EXOC4: variants seen among roughly 807,000 people sequenced by gnomAD.
The protein encoded by EXOC4 is exocyst complex component 4.
A neutral mutation model predicts 107.2 loss-of-function variants in EXOC4; 71 were observed. The ratio of observed to expected loss-of-function variants is 0.66; its 90% CI spans 0.55 to 0.81. The LOEUF (loss-of-function observed/expected upper bound fraction) is 0.81. Among genes scored for constraint, EXOC4 ranks in the 30% least tolerant of loss-of-function variants. The pLI, the probability that EXOC4 is intolerant of heterozygous loss-of-function variation, is 0.00. For missense variants in EXOC4, 1,108 were observed against 1,189.6 expected (o/e 0.93, Z 1.01); for synonymous variants, 456 against 441.2 (o/e 1.03, Z -0.42).
intron 15 of EXOC4, among the ~76,000 whole-genome samples, chr7:134,001,879 A>G (rs1794538269): frequency 6.6e-6 from 1 of 152,210 alleles, no homozygotes; most frequent in South Asian, 2.1e-4. Context: ...AACATCCTGC[A>G]TTTATAGTCT....
intron 10 of EXOC4, among the ~76,000 whole-genome samples, chr7:133,655,313 C>T (rs1803264459): frequency 6.6e-6 from 1 of 151,818 alleles, no homozygotes; most frequent in African/African-American, 2.4e-5. Context: ...TATCTATCAC[C>T]CCAAACCTTT....
chr7:133,404,225 G>T (rs371196447), intron 7 of EXOC4, among the ~76,000 whole-genome samples: 10 of 151,856 alleles, frequency 6.6e-5, no homozygotes, highest in Admixed American at 5.9e-4. Flanking sequence ...TCAGCCTCCC[G>T]AGTAGCTGGG....
intron 12 of EXOC4, among the ~76,000 whole-genome samples, chr7:133,905,647 G>A (rs915124005): frequency 6.6e-6 from 1 of 151,946 alleles, no homozygotes; most frequent in African/African-American, 2.4e-5. Flanking sequence ...TTTTTTCTTG[G>A]AGGTGGGGGA....
chr7:133,704,647 TG>T (rs755740480), intron 10 of EXOC4, among the ~76,000 whole-genome samples: 15 of 152,224 alleles, frequency 9.9e-5, no homozygotes, highest in Non-Finnish European at 1.5e-4. Context: ...TATTACACTT[TG>T]TGAGTGTGCT....
intron 4 of EXOC4, among the ~76,000 whole-genome samples, chr7:133,312,686 A>G (rs971116298): frequency 6.6e-6 from 1 of 151,414 alleles, no homozygotes; most frequent in African/African-American, 2.4e-5. Context: ...TGGGGGGTGG[A>G]TGGACAGACA....
chr7:133,659,221 C>G (rs1284509633), intron 10 of EXOC4, among the ~76,000 whole-genome samples: 1 of 151,988 alleles, frequency 6.6e-6, no homozygotes, highest in African/African-American at 2.4e-5. Flanking sequence ...GTTGTTTAAT[C>G]TATCTTCATC....
chr7:133,571,599 C>G (rs1028471523), intron 9 of EXOC4, among the ~76,000 whole-genome samples: 6 of 151,102 alleles, frequency 4.0e-5, no homozygotes, highest in Non-Finnish European at 7.4e-5. Context: ...CACTTGAACC[C>G]AGGAGTCAGC....
chr7:133,997,427 A>G, intron 14 of EXOC4, 65 bp from the exon 15 acceptor site: 2 of 1,578,702 alleles, frequency 1.3e-6, no homozygotes, highest in Non-Finnish European at 1.7e-6. Context: ...GCAAAATAAT[A>G]TGTCATTTCA....
At chr7:133,441,846 G>A (rs1020335835) in intron 7 of EXOC4, among the ~76,000 whole-genome samples, 17 of 152,304 alleles carry the variant, frequency 1.1e-4, no homozygotes, top group African/African-American at 3.8e-4. Flanking sequence ...GTGTGTGTGT[G>A]TATGTGTGCA....
intron 12 of EXOC4, among the ~76,000 whole-genome samples, chr7:133,914,829 A>G (rs1799769712): frequency 6.6e-6 from 1 of 152,216 alleles, no homozygotes; most frequent in African/African-American, 2.4e-5. Flanking sequence ...GAAATACACC[A>G]TCATGAGAAA....
intron 17 of EXOC4, among the ~76,000 whole-genome samples, chr7:134,052,258 G>T (rs959635650): frequency 2.6e-5 from 4 of 152,156 alleles, no homozygotes; most frequent in Admixed American, 1.3e-4. Context: ...TTTGTTTCTT[G>T]ATTTGTTTTT....
chr7:133,685,138 G>A (rs1439702015), intron 10 of EXOC4, among the ~76,000 whole-genome samples: 1 of 152,102 alleles, frequency 6.6e-6, no homozygotes, highest in Non-Finnish European at 1.5e-5. Context: ...CCATAAGCTG[G>A]AGTCAGCAGA....
chr7:133,817,181 T>C, intron 10 of EXOC4, 144 bp from the exon 11 acceptor site: 1 of 553,202 alleles, frequency 1.8e-6, no homozygotes, highest in South Asian at 2.9e-5. Flanking sequence ...TTTACAAGAT[T>C]AAAAATTATA....
intron 10 of EXOC4, among the ~76,000 whole-genome samples, chr7:133,710,329 A>C (rs1794858839): frequency 6.6e-6 from 1 of 152,160 alleles, no homozygotes; most frequent in South Asian, 2.1e-4. Context: ...TCACTCAGTG[A>C]TGAGATGATG....
intron 13 of EXOC4, among the ~76,000 whole-genome samples, chr7:133,934,509 G>A (rs1800253433): frequency 6.6e-6 from 1 of 152,192 alleles, no homozygotes; most frequent in African/African-American, 2.4e-5. Flanking sequence ...AGGGAAACGG[G>A]ATAGGCATCA....
chr7:133,450,802 G>T (rs1376941218), intron 7 of EXOC4, among the ~76,000 whole-genome samples: 2 of 152,158 alleles, frequency 1.3e-5, no homozygotes, highest in African/African-American at 4.8e-5. Flanking sequence ...CGTTTTCCAT[G>T]ATTATTTTTG....
intron 1 of EXOC4, 106 bp from the exon 2 acceptor site, chr7:133,274,876 A>G: frequency 1.2e-6 from 1 of 838,236 alleles, no homozygotes; most frequent in Non-Finnish European, 1.8e-6. Flanking sequence ...AGTTAATAAG[A>G]TGAATGTGCT....
At chr7:133,845,937 A>G (rs1417279035) in intron 11 of EXOC4, among the ~76,000 whole-genome samples, 2 of 152,164 alleles carry the variant, frequency 1.3e-5, no homozygotes, top group Non-Finnish European at 2.9e-5. Flanking sequence ...GAAAGAACAT[A>G]AAAGGCAGGC....
At chr7:133,360,465 T>G (rs908050918) in intron 6 of EXOC4, among the ~76,000 whole-genome samples, 23 of 152,154 alleles carry the variant, frequency 1.5e-4, no homozygotes, top group African/African-American at 5.3e-4. Flanking sequence ...TCCTAGAGAG[T>G]GCAGAAGGCG....
Sources: gnomAD v4.1 joint callset for allele counts (sites outside exome capture counted in the v4.1 genomes callset) on GRCh38, gnomAD v4.1.1 for gene constraint, MANE v1.5 for transcripts, NCBI Gene and HGNC (gene_info 2026-07-23, HGNC 2026-07-21) for gene names.